The following FHDC1 variants were observed in gnomAD, a reference collection of about 807,000 sequenced individuals.
FHDC1 encodes FH2 domain-containing protein 1.
In FHDC1, 25 loss-of-function variants were observed where a neutral mutation model predicts 52.6. The ratio of observed to expected loss-of-function variants is 0.48; its 90% CI spans 0.35 to 0.66. The LOEUF is 0.66. Among genes scored for constraint, FHDC1 ranks in the 30% least tolerant of loss-of-function variants. The pLI is 0.01. For missense variants in FHDC1, 1,459 were observed against 1,452.8 expected (o/e 1.00, Z -0.07); for synonymous variants, 616 against 581.5 (o/e 1.06, Z -0.85).
chr4:152,923,044 A>G, the FHDC1 span, among the ~76,000 whole-genome samples: 46 of 152,264 alleles, frequency 3.0e-4, no homozygotes, highest in Admixed American at 1.3e-3. Flanking sequence ...AGGGTATTCA[A>G]TTAGGAAAAG....
chr4:152,953,652 C>G, intron 3 of FHDC1, 92 bp downstream of exon 3: 1 of 1,065,946 alleles, frequency 9.4e-7, no homozygotes, highest in Non-Finnish European at 1.4e-6. Flanking sequence ...TCAAATTCCT[C>G]ACACCTTCAA....
chr4:152,927,539 T>C, the FHDC1 span: 1 of 1,374,926 alleles, frequency 7.3e-7, no homozygotes, highest in South Asian at 1.2e-5. Flanking sequence ...GCAAGAAGAA[T>C]GGGAGAAAGT....
At chr4:152,939,542 G>A (rs563131108) in intron 1 of FHDC1, among the ~76,000 whole-genome samples, 2 of 152,264 alleles carry the variant, frequency 1.3e-5, no homozygotes, top group South Asian at 2.1e-4. Flanking sequence ...GACCCTTAAC[G>A]AACGTTCTAA....
chr4:152,974,796 A>G lies in FHDC1; in HGVS notation c.1505A>G (p.Asn502Ser), dbSNP rs1740787606. 6.4e-7 allele frequency: 1 copy of G among 1,561,732 alleles called. No homozygotes were observed. The highest frequency in any genetic ancestry group is 8.7e-7 in the Non-Finnish European group (1 of 1,150,408). Residue 502 changes from asparagine to serine, a missense_variant, in exon 12 of 12, where the codon AAT becomes AGT. Physicochemically the swap from Asn to Ser is conservative, Grantham distance 46. Around this residue, in one of 3 missense-constraint regions of FHDC1, gnomAD observed 7 missense variants for 16.8 expected, o/e 0.42. Coordinates refer to ENST00000511601, the MANE Select transcript of FHDC1 (RefSeq NM_001371116.1). ...GCATTTGGCCGGAGCAGCAGTGAGAATGATGTGGAGCTGCTGACCAAGAAG... is the reference window on the plus strand; with the variant it reads ...GCATTTGGCCGGAGCAGCAGTGAGAGTGATGTGGAGCTGCTGACCAAGAAG... ...LGAFGRSSSE[N>S]DVELLTKKGA... is the part of the protein sequence containing the mutation.
chr4:152,932,758 T>G (rs1188567466), upstream of FHDC1, among the ~76,000 whole-genome samples: 1 of 152,238 alleles, frequency 6.6e-6, no homozygotes, highest in Non-Finnish European at 1.5e-5. Flanking sequence ...TGAATTAGAC[T>G]CTTACTCCTT....
In FHDC1 at chr4:152,964,203, G is replaced by A. The variant is rs71620235; in HGVS notation, c.1030-702G>A. On this transcript the variant is annotated intron_variant, in intron 8 of 11. Transcript: ENST00000511601. ...TGCTTATCTCAATGTTTGGCCTATG[G>A]TGAGCTCTCCATAAATAACCATACA... Among the ~76,000 whole-genome samples the A allele has an allele frequency of 1.0e-2, 1,517 of 152,242 alleles. 19 individuals are homozygous for A. Among genetic ancestry groups the A allele is most frequent in the Admixed American group, 0.018 (275 of 15,284 alleles).
At chr4:152,938,102 C>G (rs1008384126) in intron 1 of FHDC1, among the ~76,000 whole-genome samples, 1 of 152,126 alleles carries the variant, frequency 6.6e-6, no homozygotes, top group African/African-American at 2.4e-5. Flanking sequence ...CGTCTGTGAC[C>G]CCCTTCAACT....
At position 152,960,810 on chromosome 4, in the gene FHDC1, T is replaced by C. The variant is rs1332222013; in HGVS notation, c.816T>C (p.Tyr272=). 2 of 1,610,776 alleles carry C rather than the reference T, an allele frequency of 1.2e-6. No homozygotes were observed. Among genetic ancestry groups the C allele is most frequent in the Non-Finnish European group, 1.7e-6 (2 of 1,179,234 alleles). The part of the protein sequence containing the change: ...KEFLPSCSSL[Y]TDITVLRTAI... Reference sequence around the variant, plus strand: ...TTCTACCTTCTTGCTCTTCTCTATATACAGATATAACAGTTTTAAGAACTG... The same window carrying C: ...TTCTACCTTCTTGCTCTTCTCTATACACAGATATAACAGTTTTAAGAACTG... Residue 272 remains tyrosine (Y), a synonymous_variant, in exon 6 of 12, where the codon TAT becomes TAC. Transcript: ENST00000511601.
chr4:152,922,974 T>C, the FHDC1 span, among the ~76,000 whole-genome samples: 1 of 152,026 alleles, frequency 6.6e-6, no homozygotes, highest in Non-Finnish European at 1.5e-5. Flanking sequence ...CTGTCACCAC[T>C]CCTATTCAAC....
intron 8 of FHDC1, among the ~76,000 whole-genome samples, chr4:152,963,778 T>TG (rs1740364498): frequency 3.6e-5 from 4 of 110,592 alleles, no homozygotes; most frequent in Non-Finnish European, 5.2e-5. Context: ...TGTTTTTTTT[T>TG]TTTTTTTTTT....
intron 9 of FHDC1, among the ~76,000 whole-genome samples, chr4:152,965,767 A>G (rs62320612): frequency 0.065 from 9,848 of 152,238 alleles, 343 homozygotes; most frequent in Non-Finnish European, 0.082. Context: ...AGAGACACCC[A>G]CAGTTGGTTC....
At chr4:152,968,805 A>G (rs1039880051) in intron 10 of FHDC1, among the ~76,000 whole-genome samples, 12 of 152,228 alleles carry the variant, frequency 7.9e-5, no homozygotes, top group Admixed American at 4.6e-4. Flanking sequence ...CGGATAACAG[A>G]ACAAAGTTCC....
chr4:152,962,103 T>G (rs1307120343), intron 6 of FHDC1, among the ~76,000 whole-genome samples: 3 of 152,232 alleles, frequency 2.0e-5, no homozygotes, highest in Non-Finnish European at 2.9e-5. Flanking sequence ...TAAGTTTTCT[T>G]TTTACCTTTC....
At chr4:152,935,756 GCTGCTAGCTC>G (rs1739346463), upstream of FHDC1, among the ~76,000 whole-genome samples, 1 of 152,218 alleles carries the variant, frequency 6.6e-6, no homozygotes, top group South Asian at 2.1e-4. Context: ...TCGCCCAAGT[GCTGCTAGCTC>G]TCCAGGGAGA....
chr4:152,973,846 T>C (rs535703387), intron 11 of FHDC1, among the ~76,000 whole-genome samples: 14 of 152,354 alleles, frequency 9.2e-5, no homozygotes, highest in African/African-American at 3.4e-4. Context: ...AGAGTGTGCT[T>C]TGGTATGTGA....
At chr4:152,919,073 G>T in the FHDC1 span, among the ~76,000 whole-genome samples, 26 of 152,352 alleles carry the variant, frequency 1.7e-4, no homozygotes, top group East Asian at 4.4e-3. Flanking sequence ...GCACGTAAAG[G>T]TCACTCAATG....
intron 1 of FHDC1, among the ~76,000 whole-genome samples, 178 bp downstream of exon 1, chr4:152,936,587 G>A (rs1739386459): frequency 6.6e-6 from 1 of 152,240 alleles, no homozygotes; most frequent in Non-Finnish European, 1.5e-5. Flanking sequence ...CACCGGGAAA[G>A]CTGGAGAGGA....
rs774559154 is a variant in FHDC1 at position 152,977,084 on chromosome 4, AAAG to A, written c.*363_*365del. On this transcript the variant is annotated 3_prime_UTR_variant, in exon 12 of 12. Coordinates refer to ENST00000511601, the MANE Select transcript of FHDC1 (RefSeq NM_001371116.1). ...TTTTTCAGGCCAGTTTTTATATATC[AAAG>A]ACTTTCTTTTTAATATAAAAATTAG... 3.4e-5 allele frequency: 6 copies of A among 174,874 alleles called. No individual in the cohort carries two copies. The highest frequency in any genetic ancestry group is 4.8e-5 in the Non-Finnish European group (4 of 83,488). The allele number at this position is 174,874 out of a possible 1,614,324, so 10.8% of individuals were successfully genotyped here. A position where few individuals can be genotyped will look rare whatever the true frequency, so the allele number is the denominator to read the frequency against.
At chr4:152,931,935 TAAAAAAAAAAAAA>T (rs200667161), upstream of FHDC1, among the ~76,000 whole-genome samples, 82 of 95,302 alleles carry the variant, frequency 8.6e-4, no homozygotes, top group East Asian at 3.2e-3. Context: ...AGAACCTGTC[TAAAAAAAAAAAAA>T]AAAAAAAAAA....
Sources: gnomAD v4.1 joint callset for allele counts (sites outside exome capture counted in the v4.1 genomes callset) on GRCh38, gnomAD v4.1.1 for gene constraint, gnomAD v4.1.1 regional missense constraint, MANE v1.5 for transcripts, NCBI Gene and HGNC (gene_info 2026-07-23, HGNC 2026-07-21) for gene names.